The following CACNA2D1 variants were observed in gnomAD, a reference collection of about 807,000 sequenced individuals.
The protein encoded by CACNA2D1 is voltage-dependent calcium channel subunit alpha-2/delta-1.
A neutral mutation model predicts 171.5 loss-of-function variants in CACNA2D1; 53 were observed. That is an observed-to-expected ratio of 0.31 (90% CI 0.25 to 0.39). The LOEUF (loss-of-function observed/expected upper bound fraction) is 0.39. Among genes scored for constraint, CACNA2D1 ranks in the 10% least tolerant of loss-of-function variants. The pLI, the probability that CACNA2D1 is intolerant of heterozygous loss-of-function variation, is 1.00. For synonymous variants in CACNA2D1, 442 were observed against 443.1 expected (o/e 1.00, Z 0.03); for missense variants, 903 against 1,299.8 (o/e 0.69, Z 4.69).
chr7:82,422,598 C>T (rs1828809141), intron 1 of CACNA2D1, among the ~76,000 whole-genome samples: 2 of 152,068 alleles, frequency 1.3e-5, no homozygotes, highest in Admixed American at 6.6e-5. Flanking sequence ...TCTTGAAACA[C>T]ATAACTCTGA....
intron 15 of CACNA2D1, 152 bp downstream of exon 15, chr7:82,012,002 A>C: frequency 1.5e-6 from 1 of 657,404 alleles, no homozygotes; most frequent in South Asian, 1.7e-5. Flanking sequence ...TTTTATGTAA[A>C]TTATATAAAT....
intron 20 of CACNA2D1, 57 bp downstream of exon 20, chr7:81,994,811 A>G (rs2130776537): frequency 1.2e-6 from 1 of 847,846 alleles, no homozygotes; most frequent in Non-Finnish European, 2.0e-6. Context: ...CAAGTTACCA[A>G]TATCAATTAT....
chr7:81,959,673 C>T (rs780245944), intron 37 of CACNA2D1, 47 bp downstream of exon 37: 1 of 1,556,450 alleles, frequency 6.4e-7, no homozygotes, highest in Admixed American at 1.7e-5. Flanking sequence ...ATTCAAAATG[C>T]ATTAAGATGG....
At chr7:82,438,004 T>C (rs1393027008) in intron 1 of CACNA2D1, among the ~76,000 whole-genome samples, 3 of 152,206 alleles carry the variant, frequency 2.0e-5, no homozygotes, top group Non-Finnish European at 4.4e-5. Flanking sequence ...TCAAATGGTA[T>C]AGTTTCTTTC....
intron 1 of CACNA2D1, among the ~76,000 whole-genome samples, chr7:82,372,226 G>A (rs12707490): frequency 0.62 from 94,969 of 151,960 alleles, 30,240 homozygotes; most frequent in Middle Eastern, 0.74. Context: ...ATTATCTTTG[G>A]TATGTATTTT....
At chr7:82,402,360 T>C (rs1181787209) in intron 1 of CACNA2D1, among the ~76,000 whole-genome samples, 1 of 152,108 alleles carries the variant, frequency 6.6e-6, no homozygotes, top group Admixed American at 6.6e-5. Context: ...TTAATATTAT[T>C]CCTATTTTTA....
At position 82,192,432 on chromosome 7, in the gene CACNA2D1, C is replaced by CTG. The variant is rs575956944; in HGVS notation, c.295-21825_295-21824dup. On this transcript the variant is annotated intron_variant, in intron 3 of 38. Coordinates refer to ENST00000356860, the MANE Select transcript of CACNA2D1 (RefSeq NM_000722.4). ...TATATATATATATATGTCTATATGTCTGTGTGTGTGTGTATGTGTGTTTGT... is the reference window on the plus strand; with the variant it reads ...TATATATATATATATGTCTATATGTCTGTGTGTGTGTGTGTATGTGTGTTTGT... Among the ~76,000 whole-genome samples the CTG allele has an allele frequency of 2.1e-3, 291 of 141,366 alleles. 2 individuals are homozygous for CTG. The highest frequency in any genetic ancestry group is 7.3e-3 in the African/African-American group (273 of 37,604). 92.7% of individuals were successfully genotyped at this position (141,366 alleles called of 152,430 possible).
At chr7:82,374,259 C>CA (rs1822755512) in intron 1 of CACNA2D1, among the ~76,000 whole-genome samples, 1 of 152,190 alleles carries the variant, frequency 6.6e-6, no homozygotes, top group African/African-American at 2.4e-5. Flanking sequence ...GTCATGCTTT[C>CA]ACCATCTCCC....
In CACNA2D1 at chr7:81,961,887, AAATT is replaced by A. The variant is rs1159538688; in HGVS notation, c.2966+3_2966+6del. ...AAATAGGACTACTCCTGAAATAAAT[AAATT>A]ACCTGGAACAGTTTCCACAGTCTAA... is the stretch of plus-strand genomic sequence containing the variant. On this transcript the variant is annotated splice_donor_5th_base_variant and intron_variant, in intron 36 of 38. Transcript: ENST00000356860. The A allele has an allele frequency of 6.2e-7, 1 of 1,601,394 alleles. No individual in the cohort carries two copies. Among genetic ancestry groups the A allele is most frequent in the African/African-American group, 1.3e-5 (1 of 74,564 alleles).
At chr7:82,037,771 T>C (rs574383593) in intron 11 of CACNA2D1, among the ~76,000 whole-genome samples, 2 of 152,204 alleles carry the variant, frequency 1.3e-5, no homozygotes, top group Admixed American at 6.5e-5. Context: ...GAAAAAGTAA[T>C]GATATTCTAT....
intron 2 of CACNA2D1, among the ~76,000 whole-genome samples, chr7:82,347,836 A>T (rs1397256754): frequency 6.8e-6 from 1 of 146,648 alleles, no homozygotes; most frequent in Admixed American, 6.6e-5. Context: ...TTGTTATGTT[A>T]ATTCAGTCAT....
intron 6 of CACNA2D1, among the ~76,000 whole-genome samples, chr7:82,096,258 T>C (rs1811846938): frequency 6.6e-6 from 1 of 152,066 alleles, no homozygotes; most frequent in South Asian, 2.1e-4. Context: ...CATAAACAAA[T>C]GGGTGTGGCT....
chr7:82,440,935 T>TA (rs1486134424), intron 1 of CACNA2D1, among the ~76,000 whole-genome samples: 6 of 151,562 alleles, frequency 4.0e-5, no homozygotes, highest in Admixed American at 2.6e-4. Context: ...AAAAACTTCT[T>TA]ACATTACTTT....
chr7:82,148,287 G>T (rs1230862558), intron 4 of CACNA2D1, among the ~76,000 whole-genome samples: 1 of 137,004 alleles, frequency 7.3e-6, no homozygotes, highest in Non-Finnish European at 1.6e-5. Context: ...TTACATATAA[G>T]ACAAAACTAA....
At chr7:81,974,411 T>G in intron 25 of CACNA2D1, 44 bp downstream of exon 25, 1 of 942,598 alleles carries the variant, frequency 1.1e-6, no homozygotes, top group Non-Finnish European at 1.7e-6. Flanking sequence ...TATAAACCAA[T>G]AGAACCACAC....
At chr7:81,961,507 A>G (rs1354480156) in intron 36 of CACNA2D1, among the ~76,000 whole-genome samples, 1 of 151,464 alleles carries the variant, frequency 6.6e-6, no homozygotes, top group Admixed American at 6.6e-5. Context: ...TTTGGCTTAG[A>G]ATTATTTAAA....
intron 1 of CACNA2D1, among the ~76,000 whole-genome samples, chr7:82,371,480 T>C (rs554884835): frequency 8.5e-5 from 13 of 152,334 alleles, no homozygotes; most frequent in Admixed American, 3.9e-4. Flanking sequence ...ATTTACTAAG[T>C]TTCTGGGGTT....
chr7:82,426,347 A>T (rs1053377686), intron 1 of CACNA2D1, among the ~76,000 whole-genome samples: 3 of 152,000 alleles, frequency 2.0e-5, no homozygotes, highest in Non-Finnish European at 4.4e-5. Context: ...TAGGAGGAAA[A>T]CTCATCAACT....
At chr7:82,237,189 T>C (rs1585183612) in intron 3 of CACNA2D1, among the ~76,000 whole-genome samples, 1 of 151,860 alleles carries the variant, frequency 6.6e-6, no homozygotes, top group African/African-American at 2.4e-5. Context: ...ATGTTCTAAA[T>C]TCTAAAAAAA....
Sources: gnomAD v4.1 joint callset for allele counts (sites outside exome capture counted in the v4.1 genomes callset) on GRCh38, gnomAD v4.1.1 for gene constraint, MANE v1.5 for transcripts, NCBI Gene and HGNC (gene_info 2026-07-23, HGNC 2026-07-21) for gene names.